Variants in CCNI2 observed in about 807,000 individuals in gnomAD.
CCNI2 encodes cyclin-I2.
A neutral mutation model predicts 33.2 loss-of-function variants in CCNI2; 32 were observed. The ratio of observed to expected loss-of-function variants is 0.96; its 90% CI spans 0.73 to 1.30. CCNI2 has a LOEUF of 1.30. CCNI2 is among the 50% of genes most tolerant of loss of function. The pLI is 0.00. For missense variants in CCNI2, 452 were observed against 486.2 expected (o/e 0.93, Z 0.66); for synonymous variants, 231 against 219.9 (o/e 1.05, Z -0.45).
intron 3 of CCNI2, among the ~76,000 whole-genome samples, chr5:132,749,663 G>A (rs1754727723): frequency 6.6e-6 from 1 of 152,182 alleles, no homozygotes; most frequent in Admixed American, 6.5e-5. Flanking sequence ...CTGAACTCTT[G>A]ACAGATACAT....
Position 132,753,115 on chromosome 5 carries a change from C to A in CCNI2, c.*145C>A. The A allele has an allele frequency of 1.5e-6, 1 of 659,450 alleles. No individual in the cohort carries two copies. The highest frequency in any genetic ancestry group is 1.9e-5 in the South Asian group (1 of 52,546). The allele number at this position is 659,450 out of a possible 1,614,324, so 40.8% of individuals were successfully genotyped here. A position where few individuals can be genotyped will look rare whatever the true frequency, so the allele number is the denominator to read the frequency against. Reference sequence around the variant, plus strand: ...AACTGAGAAAAAGTTCCCAACTGAGCCCTTGGAAAAAAAATAAAGGGGAGA... The same window carrying A: ...AACTGAGAAAAAGTTCCCAACTGAGACCTTGGAAAAAAAATAAAGGGGAGA... On this transcript the variant is annotated 3_prime_UTR_variant, in exon 6 of 6. Coordinates refer to ENST00000378731, the MANE Select transcript of CCNI2 (RefSeq NM_001039780.4).
rs1288043776 is a variant in CCNI2 at position 132,752,638 on chromosome 5, GTCAGAATCCC to G, written c.1006-221_1006-212del. On this transcript the variant is annotated intron_variant, in intron 5 of 5. Transcript: ENST00000378731. ...GGGGGCACAAGGAGGAGAGGGGTGT[GTCAGAATCCC>G]TCAGAACAGATAGGTTAGGATGGAA... Among the ~76,000 whole-genome samples, 8 of 152,292 alleles carry G rather than the reference GTCAGAATCCC, an allele frequency of 5.3e-5. No homozygotes were observed. The South Asian group carries it at 6.2e-4, about 12-fold the overall frequency.
In CCNI2 at chr5:132,747,930, C is replaced by T; in HGVS notation, c.429+6C>T. ...GGCGGGGCGGCAAACCCCAGGTACC[C>T]GTCGCTGCCGCGTGGCCCTCCTCGC... is the stretch of plus-strand genomic sequence containing the variant. On this transcript the variant is annotated splice_donor_region_variant and intron_variant, in intron 1 of 5. Transcript: ENST00000378731. This position sits in a 1 kb window ranked among gnomAD's most constrained non-coding sequence, Gnocchi z 4.1. The T allele has an allele frequency of 2.2e-6, 3 of 1,372,150 alleles. No homozygotes were observed. The highest frequency in any genetic ancestry group is 2.8e-6 in the Non-Finnish European group (3 of 1,069,486). 85.0% of individuals were successfully genotyped at this position (1,372,150 alleles called of 1,614,324 possible).
intron 4 of CCNI2, chr5:132,751,476 C>T (rs931185519): frequency 7.4e-5 from 14 of 190,434 alleles, no homozygotes; most frequent in African/African-American, 3.1e-4. Context: ...TGATGGTCAT[C>T]CTTAAGGATA....
At position 132,747,948 on chromosome 5, in the gene CCNI2, C is replaced by T. The variant is rs115054484; in HGVS notation, c.429+24C>T. On this transcript the variant is annotated intron_variant, in intron 1 of 5. Transcript: ENST00000378731. This position sits in a 1 kb window ranked among gnomAD's most constrained non-coding sequence, Gnocchi z 4.1. ...AGGTACCCGTCGCTGCCGCGTGGCC[C>T]TCCTCGCGCGTGCACGGCAGGCGGA... The T allele has an allele frequency of 1.0e-3, 1,403 of 1,364,826 alleles. 17 individuals are homozygous for T. In the African/African-American group the frequency reaches 0.019, roughly 19 times the overall value. The allele number at this position is 1,364,826 out of a possible 1,614,324, so 84.5% of individuals were successfully genotyped here.
rs1015361299 is a variant in CCNI2 at position 132,753,246 on chromosome 5, T to C, written c.*276T>C. 2 of 416,284 alleles carry C rather than the reference T, an allele frequency of 4.8e-6. No homozygotes were observed. Among genetic ancestry groups the C allele is most frequent in the Non-Finnish European group, 8.8e-6 (2 of 227,668 alleles). 25.8% of individuals were successfully genotyped at this position (416,284 alleles called of 1,614,324 possible). ...CCTGAAGCCAGGGAGTATGAATGAA[T>C]GTTCAAATGGCAGCTTGTTTTACCT... On this transcript the variant is annotated 3_prime_UTR_variant, in exon 6 of 6. Transcript: ENST00000378731.
At chr5:132,748,573 A>C in intron 2 of CCNI2, 98 bp downstream of exon 2, 7 of 1,476,562 alleles carry the variant, frequency 4.7e-6, no homozygotes, top group Non-Finnish European at 5.5e-6. Flanking sequence ...CAGATGCTCA[A>C]AACCAAGGTG....
Position 132,747,919 on chromosome 5 carries a change from C to G in CCNI2, c.424C>G (p.Pro142Ala). The change falls in exon 1 of 6, where the codon CCC becomes GCC. Residue 142 changes from proline (P) to alanine (A), a missense_variant. Transcript: ENST00000378731. The surrounding 1 kb of genome is among the most constrained non-coding windows in gnomAD (Gnocchi z 4.1). ...REARLWRGGK[P>A]QDEICDAFEE... The stretch of plus-strand genomic sequence containing the variant: ...GGCGCGCCTGTGGCGGGGCGGCAAA[C>G]CCCAGGTACCCGTCGCTGCCGCGTG... The G allele has an allele frequency of 7.3e-7, 1 of 1,378,562 alleles. No homozygotes were observed. Among genetic ancestry groups the G allele is most frequent in the South Asian group, 1.7e-5 (1 of 60,194 alleles). The allele number at this position is 1,378,562 out of a possible 1,614,324, so 85.4% of individuals were successfully genotyped here. A position where few individuals can be genotyped will look rare whatever the true frequency, so the allele number is the denominator to read the frequency against.
At chr5:132,755,893 A>G (rs955441160), downstream of CCNI2, 25 of 886,314 alleles carry the variant, frequency 2.8e-5, no homozygotes, top group Non-Finnish European at 3.2e-5. Context: ...ATCAACCTCC[A>G]CAAAATTCAA....
Position 132,749,516 on chromosome 5 carries a change from G to A in CCNI2, c.633+94G>A, listed in dbSNP as rs1754720158. On this transcript the variant is annotated intron_variant, in intron 3 of 5. Transcript: ENST00000378731. The stretch of plus-strand genomic sequence containing the variant: ...GTTTCCTGATAGGTCTGTGCCCTTA[G>A]GTATGGTGGATGTTTTGAAAAAGTC... 6 of 1,016,458 alleles carry A rather than the reference G, an allele frequency of 5.9e-6. No individual in the cohort carries two copies. In the Admixed American group the frequency reaches 9.4e-5, roughly 16 times the overall value. 63.0% of individuals were successfully genotyped at this position (1,016,458 alleles called of 1,614,324 possible).
At chr5:132,749,168 A>C (rs1754701052) in intron 2 of CCNI2, among the ~76,000 whole-genome samples, 180 bp from the exon 3 acceptor site, 1 of 152,162 alleles carries the variant, frequency 6.6e-6, no homozygotes, top group Non-Finnish European at 1.5e-5. Context: ...TGACAGGAGA[A>C]TCGCTCAAAA....
chr5:132,750,344 C>T (rs755692105), intron 3 of CCNI2, among the ~76,000 whole-genome samples: 7 of 152,178 alleles, frequency 4.6e-5, no homozygotes, highest in Non-Finnish European at 7.3e-5. Context: ...ATAGTTTTTC[C>T]AGAACTGAAC....
intron 2 of CCNI2, 71 bp from the exon 3 acceptor site, chr5:132,749,277 C>A: frequency 1.5e-6 from 2 of 1,294,674 alleles, no homozygotes; most frequent in Non-Finnish European, 1.1e-6. Context: ...TAAAAGAAAA[C>A]AAACACAGAT....
rs759907297 is a variant in CCNI2, at chr5:132,752,036, A to ACGT, written c.848_850dup (p.Val283dup). The ACGT allele has an allele frequency of 4.3e-6, 7 of 1,611,624 alleles. No homozygotes were observed. Among genetic ancestry groups the ACGT allele is most frequent in the Non-Finnish European group, 5.9e-6 (7 of 1,179,130 alleles). On this transcript the variant is annotated inframe_insertion, in exon 5 of 6. Transcript: ENST00000378731. ...CTGCCTCAGAGGAATCCTTCCCTCC[A>ACGT]CGTCGCATCCCTGACCAGGCAGCTG...
chr5:132,749,094 A>G (rs554207922), intron 2 of CCNI2, among the ~76,000 whole-genome samples: 13 of 152,254 alleles, frequency 8.5e-5, no homozygotes, highest in African/African-American at 2.9e-4. Context: ...TGTCTCTACT[A>G]AAAATACAAA....
chr5:132,748,318 C>T (rs1754671403), intron 1 of CCNI2, 29 bp from the exon 2 acceptor site: 1 of 1,612,642 alleles, frequency 6.2e-7, no homozygotes. Flanking sequence ...AGCGACCTTC[C>T]TCGCCCCACC....
rs1420579840 is a variant in CCNI2, at chr5:132,753,215, TCTGGG to T, written c.*247_*251del. On this transcript the variant is annotated 3_prime_UTR_variant, in exon 6 of 6. Transcript: ENST00000378731. ...ATGACCCTGTCTTCCCTTTTTCTCC[TCTGGG>T]CCTGAAGCCAGGGAGTATGAATGAA... The T allele has an allele frequency of 1.1e-4, 53 of 483,092 alleles. No individual in the cohort carries two copies. Among genetic ancestry groups the T allele is most frequent in the Non-Finnish European group, 1.8e-4 (49 of 267,972 alleles). 29.9% of individuals were successfully genotyped at this position (483,092 alleles called of 1,614,324 possible).
downstream of CCNI2, chr5:132,754,462 G>A (rs1755154056): frequency 1.4e-6 from 1 of 717,340 alleles, no homozygotes; most frequent in African/African-American, 1.7e-5. Context: ...GACATCTGCT[G>A]CTTAACCAGG....
At chr5:132,751,174 C>T (rs1240891299) in intron 4 of CCNI2, 177 bp downstream of exon 4, 1 of 581,964 alleles carries the variant, frequency 1.7e-6, no homozygotes, top group Non-Finnish European at 2.8e-6. Context: ...TTAAATCCAA[C>T]ACAGTTCCAC....
Sources: gnomAD v4.1 joint callset for allele counts (sites outside exome capture counted in the v4.1 genomes callset) on GRCh38, gnomAD v4.1.1 for gene constraint, Gnocchi (gnomAD v3.1) non-coding constraint, MANE v1.5 for transcripts, NCBI Gene and HGNC (gene_info 2026-07-23, HGNC 2026-07-21) for gene names.